Variants in GABRB2 observed in about 807,000 individuals in gnomAD.
GABRB2 encodes the protein gamma-aminobutyric acid receptor subunit beta-2.
GABRB2 carries 16 observed loss-of-function variants against 54.7 expected under a neutral mutation model. The observed-to-expected ratio is 0.29, with a 90% CI of 0.20 to 0.44. GABRB2 has a LOEUF of 0.44. Among genes scored for constraint, GABRB2 ranks in the 20% least tolerant of loss-of-function variants. GABRB2 has a pLI of 1.00. For synonymous variants in GABRB2, 244 were observed against 233.8 expected (o/e 1.04, Z -0.40); for missense variants, 355 against 644.0 (o/e 0.55, Z 4.86).
In GABRB2 at chr5:161,531,830, G is replaced by A. The variant is rs183720158; in HGVS notation, c.237+13397C>T. On this transcript the variant is annotated intron_variant, in intron 3 of 9. Transcript: ENST00000393959. ...AGATCCTCTTTAAATTTCTATTTCAGATATGTTTGATAACATACACTGCAT... is the reference window on the plus strand; with the variant it reads ...AGATCCTCTTTAAATTTCTATTTCAAATATGTTTGATAACATACACTGCAT... Among the ~76,000 whole-genome samples the A allele has an allele frequency of 6.9e-3, 1,050 of 151,696 alleles. 20 individuals carry two copies. The highest frequency in any genetic ancestry group is 0.024 in the African/African-American group (1,006 of 41,346).
intron 4 of GABRB2, among the ~76,000 whole-genome samples, chr5:161,434,653 T>C (rs1170532450): frequency 2.0e-5 from 3 of 152,196 alleles, no homozygotes; most frequent in Non-Finnish European, 2.9e-5. Flanking sequence ...TTGTCCCCTA[T>C]GTCTCAGTGT....
intron 4 of GABRB2, among the ~76,000 whole-genome samples, chr5:161,453,289 T>C (rs570532014): frequency 1.3e-5 from 2 of 152,312 alleles, no homozygotes; most frequent in East Asian, 3.9e-4. Context: ...TATAATTAGA[T>C]TGTCCTGAGT....
chr5:161,465,360 G>A (rs932217044), intron 3 of GABRB2, among the ~76,000 whole-genome samples: 5 of 152,014 alleles, frequency 3.3e-5, no homozygotes, highest in Non-Finnish European at 7.4e-5. Flanking sequence ...ATGGTTATAG[G>A]CTCTCTATTC....
At chr5:161,369,531 AGG>A (rs1755071021) in intron 5 of GABRB2, among the ~76,000 whole-genome samples, 1 of 142,098 alleles carries the variant, frequency 7.0e-6, no homozygotes, top group African/African-American at 2.8e-5. Context: ...AGAGGAGGAG[AGG>A]GAGAGAGAGA....
At chr5:161,517,710 C>G (rs958193176) in intron 3 of GABRB2, among the ~76,000 whole-genome samples, 1 of 152,038 alleles carries the variant, frequency 6.6e-6, no homozygotes, top group African/African-American at 2.4e-5. Context: ...ACTACAGTGG[C>G]ATAAAAGTCA....
At chr5:161,466,479 T>C (rs997106688) in intron 3 of GABRB2, among the ~76,000 whole-genome samples, 2 of 152,044 alleles carry the variant, frequency 1.3e-5, no homozygotes, top group African/African-American at 4.8e-5. Flanking sequence ...AATCAACATA[T>C]TCATTCAATG....
intron 3 of GABRB2, among the ~76,000 whole-genome samples, chr5:161,468,334 C>G (rs551003675): frequency 1.3e-4 from 20 of 152,152 alleles, no homozygotes; most frequent in African/African-American, 4.8e-4. Flanking sequence ...TCTTCCTTTC[C>G]CTGAACTCCA....
intron 4 of GABRB2, among the ~76,000 whole-genome samples, chr5:161,435,738 A>G (rs565029547): frequency 4.6e-5 from 7 of 152,348 alleles, no homozygotes; most frequent in African/African-American, 1.7e-4. Flanking sequence ...ATAATTTTAC[A>G]TGAATGTCAA....
chr5:161,383,285 G>A (rs902478125), intron 5 of GABRB2, among the ~76,000 whole-genome samples: 4 of 151,838 alleles, frequency 2.6e-5, no homozygotes, highest in Non-Finnish European at 4.4e-5. Context: ...CCAGGCCTGG[G>A]AATCACCATT....
intron 3 of GABRB2, among the ~76,000 whole-genome samples, chr5:161,502,520 C>T (rs556532162): frequency 1.3e-5 from 2 of 152,148 alleles, no homozygotes; most frequent in African/African-American, 4.8e-5. Flanking sequence ...CATGTTTCTT[C>T]TCTCTCTACT....
intron 8 of GABRB2, among the ~76,000 whole-genome samples, chr5:161,327,774 G>C (rs1758412761): frequency 1.3e-5 from 2 of 151,946 alleles, no homozygotes; most frequent in Non-Finnish European, 1.5e-5. Flanking sequence ...ACCAAAGGAA[G>C]GTGAAAAATT....
chr5:161,481,387 C>G (rs564316764), intron 3 of GABRB2, among the ~76,000 whole-genome samples: 1 of 152,010 alleles, frequency 6.6e-6, no homozygotes, highest in Non-Finnish European at 1.5e-5. Context: ...ATTACTCATA[C>G]GTACTACTGA....
At chr5:161,375,837 G>T (rs1755278483) in intron 5 of GABRB2, among the ~76,000 whole-genome samples, 1 of 152,096 alleles carries the variant, frequency 6.6e-6, no homozygotes, top group African/African-American at 2.4e-5. Flanking sequence ...AGAAGATGAT[G>T]ATTATTATAA....
intron 5 of GABRB2, among the ~76,000 whole-genome samples, chr5:161,357,812 G>T (rs190594725): frequency 2.3e-3 from 353 of 152,202 alleles, no homozygotes; most frequent in Non-Finnish European, 4.0e-3. Context: ...TGACCTCAAG[G>T]TTCCTGATCT....
chr5:161,360,023 C>T (rs1017309197), intron 5 of GABRB2, among the ~76,000 whole-genome samples: 1 of 151,738 alleles, frequency 6.6e-6, no homozygotes, highest in East Asian at 1.9e-4. Context: ...GGAGGTTGTG[C>T]AGCAAGGCAA....
chr5:161,516,651 T>A (rs1289647095), intron 3 of GABRB2, among the ~76,000 whole-genome samples: 1 of 152,174 alleles, frequency 6.6e-6, no homozygotes, highest in Non-Finnish European at 1.5e-5. Flanking sequence ...GTAAAGATTT[T>A]TTTTTATTGA....
intron 3 of GABRB2, among the ~76,000 whole-genome samples, chr5:161,518,567 A>G (rs1760021371): frequency 6.6e-6 from 1 of 152,230 alleles, no homozygotes; most frequent in South Asian, 2.1e-4. Flanking sequence ...CCAACATAAA[A>G]CAAGTTTTTT....
At chr5:161,321,821 A>G (rs1474214830) in intron 9 of GABRB2, among the ~76,000 whole-genome samples, 1 of 152,100 alleles carries the variant, frequency 6.6e-6, no homozygotes, top group Non-Finnish European at 1.5e-5. Flanking sequence ...AAGTAGTTAA[A>G]TATGTTGTAT....
At chr5:161,491,327 A>T (rs1237078254) in intron 3 of GABRB2, among the ~76,000 whole-genome samples, 2 of 151,668 alleles carry the variant, frequency 1.3e-5, no homozygotes, top group African/African-American at 4.8e-5. Flanking sequence ...ATGGCTCATG[A>T]CTTAATGGCA....
Sources: gnomAD v4.1 joint callset for allele counts (sites outside exome capture counted in the v4.1 genomes callset) on GRCh38, gnomAD v4.1.1 for gene constraint, MANE v1.5 for transcripts, NCBI Gene and HGNC (gene_info 2026-07-23, HGNC 2026-07-21) for gene names.